The following ARHGAP20 variants were observed in gnomAD, a reference collection of about 807,000 sequenced individuals.
ARHGAP20 encodes rho GTPase-activating protein 20.
Under a neutral mutation model 73.7 loss-of-function variants are expected in ARHGAP20, and 34 were observed. The observed-to-expected ratio is 0.46, with a 90% CI of 0.35 to 0.61. The LOEUF (loss-of-function observed/expected upper bound fraction) is 0.61. Among genes scored for constraint, ARHGAP20 ranks in the 20% least tolerant of loss-of-function variants. The pLI is 0.00. For missense variants in ARHGAP20, 1,314 were observed against 1,420.9 expected (o/e 0.92, Z 1.21); for synonymous variants, 523 against 518.2 (o/e 1.01, Z -0.13).
At chr11:110,594,220 T>C (rs990776959) in intron 9 of ARHGAP20, among the ~76,000 whole-genome samples, 1 of 152,222 alleles carries the variant, frequency 6.6e-6, no homozygotes, top group South Asian at 2.1e-4. Flanking sequence ...CATCACTTCC[T>C]TGAAATACAG....
At chr11:110,613,708 A>G (rs1591315795) in intron 6 of ARHGAP20, among the ~76,000 whole-genome samples, 1 of 152,220 alleles carries the variant, frequency 6.6e-6, no homozygotes, top group South Asian at 2.1e-4. Flanking sequence ...GTCTCATACT[A>G]TAAAAATTTG....
At chr11:110,617,054 T>C (rs1425488367) in intron 4 of ARHGAP20, among the ~76,000 whole-genome samples, 3 of 152,108 alleles carry the variant, frequency 2.0e-5, no homozygotes, top group African/African-American at 4.8e-5. Context: ...CCTTGGAAGG[T>C]CCCTTATGTT....
At chr11:110,621,343 TC>T (rs1201428408) in intron 4 of ARHGAP20, among the ~76,000 whole-genome samples, 1 of 152,114 alleles carries the variant, frequency 6.6e-6, no homozygotes, top group Non-Finnish European at 1.5e-5. Flanking sequence ...CACTATTTTT[TC>T]AGCCCCATTT....
chr11:110,580,289 T>C lies in ARHGAP20; in HGVS notation c.2657A>G (p.Lys886Arg). Reference protein sequence around the residue: ...GLLHGEEDYLKRHKSLQMEGQ... With the variant: ...GLLHGEEDYLRRHKSLQMEGQ... ...CTCCATTTGCAAAGACTTATGCCGT[T>C]TGAGATAATCCTCCTCTCCATGCAA... Residue 886 changes from lysine to arginine, a missense_variant, in exon 15 of 15, where the codon AAA (lysine) becomes AGA (arginine). Coordinates refer to ENST00000683387, the MANE Select transcript of ARHGAP20 (RefSeq NM_001384657.1). 6.2e-7 allele frequency: 1 copy of C among 1,614,216 alleles called. No individual in the cohort carries two copies. The highest frequency in any genetic ancestry group is 8.5e-7 in the Non-Finnish European group (1 of 1,180,036).
intron 1 of ARHGAP20, chr11:110,711,732 A>G (rs1950662182): frequency 7.2e-7 from 1 of 1,395,618 alleles, no homozygotes. Context: ...GCCAAAGGGC[A>G]GTCAGTGCTC....
intron 2 of ARHGAP20, among the ~76,000 whole-genome samples, chr11:110,644,785 T>A (rs6589158): frequency 0.31 from 46,536 of 151,814 alleles, 8,061 homozygotes; most frequent in African/African-American, 0.48. Context: ...ACAAAAACTG[T>A]CAAGTGGGAC....
chr11:110,673,265 T>C (rs1949865260), intron 2 of ARHGAP20, among the ~76,000 whole-genome samples: 1 of 152,056 alleles, frequency 6.6e-6, no homozygotes, highest in African/African-American at 2.4e-5. Context: ...ACAACATAAG[T>C]GGGAAACATT....
chr11:110,580,652 G>A lies in ARHGAP20; in HGVS notation c.2294C>T (p.Thr765Ile). The part of the protein sequence containing the change: ...TCFKQSLVTG[T>I]DVSKKNATTQ... ...AGTGGCATTTTTCTTGCTGACATCAGTGCCTGTGACTAAACTCTGTTTAAA... is the reference window on the plus strand; with the variant it reads ...AGTGGCATTTTTCTTGCTGACATCAATGCCTGTGACTAAACTCTGTTTAAA... The change falls in exon 15 of 15, where the codon ACT becomes ATT. Residue 765 changes from threonine (T) to isoleucine (I), a missense_variant. By Grantham distance (89) the Thr-to-Ile change is moderately conservative. Coordinates refer to ENST00000683387, the MANE Select transcript of ARHGAP20 (RefSeq NM_001384657.1). 2 of 1,614,220 alleles carry A rather than the reference G, an allele frequency of 1.2e-6. No individual in the cohort carries two copies. Among genetic ancestry groups the A allele is most frequent in the South Asian group, 1.1e-5 (1 of 91,080 alleles).
intron 9 of ARHGAP20, among the ~76,000 whole-genome samples, chr11:110,594,393 G>A (rs1050514146): frequency 6.6e-6 from 1 of 152,122 alleles, no homozygotes; most frequent in African/African-American, 2.4e-5. Context: ...AGCCCTCAAA[G>A]GCTTATTGAA....
Position 110,596,376 on chromosome 11 carries a change from C to A in ARHGAP20, c.965-4221G>T, listed in dbSNP as rs371491320. Among the ~76,000 whole-genome samples the A allele has an allele frequency of 3.7e-4, 55 of 150,330 alleles. No individual in the cohort carries two copies. The East Asian group carries it at 0.01, about 28-fold the overall frequency. On this transcript the variant is annotated intron_variant, in intron 9 of 14. Transcript: ENST00000683387. ...ACAGGCAACCTACAAAATGGGAGAA[C>A]ATTTTTGCAACCTACTCATCTGACA... is the stretch of plus-strand genomic sequence containing the variant.
At chr11:110,660,061 C>CAAAAAAAAAAAAAAAAAAAAAAAA (rs746439426) in intron 2 of ARHGAP20, among the ~76,000 whole-genome samples, 1 of 69,248 alleles carries the variant, frequency 1.4e-5, no homozygotes. Context: ...TAATAAAAAA[C>CAAAAAAAAAAAAAAAAAAAAAAAA]AAAAAAAAAA....
intron 3 of ARHGAP20, among the ~76,000 whole-genome samples, chr11:110,625,162 C>T (rs1211157682): frequency 6.7e-6 from 1 of 150,276 alleles, no homozygotes; most frequent in African/African-American, 2.4e-5. Context: ...CTCAGCCTCC[C>T]GAGTAGCTGG....
At chr11:110,608,926 A>G in intron 8 of ARHGAP20, 58 bp downstream of exon 8, 1 of 1,425,156 alleles carries the variant, frequency 7.0e-7, no homozygotes, top group African/African-American at 1.4e-5. Flanking sequence ...TCTCGGAGAC[A>G]CTTAGAATTA....
At chr11:110,613,757 T>C (rs1948421859) in intron 6 of ARHGAP20, among the ~76,000 whole-genome samples, 1 of 152,028 alleles carries the variant, frequency 6.6e-6, no homozygotes, top group African/African-American at 2.4e-5. Context: ...CATTCAGGAG[T>C]TGGTCAGAAC....
At chr11:110,625,629 T>C (rs1465789931) in intron 3 of ARHGAP20, among the ~76,000 whole-genome samples, 1 of 151,938 alleles carries the variant, frequency 6.6e-6, no homozygotes, top group Admixed American at 6.6e-5. Context: ...ACCTTGAAGG[T>C]GGTCTATTTT....
At chr11:110,584,929 GAA>G (rs1947590159) in intron 12 of ARHGAP20, among the ~76,000 whole-genome samples, 3 of 138,976 alleles carry the variant, frequency 2.2e-5, no homozygotes, top group East Asian at 4.3e-4. Flanking sequence ...ATATATATGT[GAA>G]TATATGTGTA....
chr11:110,708,793 C>T (rs1263103313), intron 1 of ARHGAP20, among the ~76,000 whole-genome samples: 1 of 152,084 alleles, frequency 6.6e-6, no homozygotes, highest in Non-Finnish European at 1.5e-5. Flanking sequence ...TATTCCTTAG[C>T]TAAACTGTGG....
intron 9 of ARHGAP20, among the ~76,000 whole-genome samples, chr11:110,594,460 T>A (rs896802007): frequency 2.6e-5 from 4 of 152,286 alleles, no homozygotes; most frequent in Non-Finnish European, 5.9e-5. Flanking sequence ...TCTTGATGAA[T>A]GCTGTCAAGA....
chr11:110,583,044 C>A (rs537573896), intron 13 of ARHGAP20, among the ~76,000 whole-genome samples: 1 of 152,164 alleles, frequency 6.6e-6, no homozygotes, highest in Non-Finnish European at 1.5e-5. Context: ...GTAGCTGAGG[C>A]CAAGGGGCAG....
Sources: gnomAD v4.1 joint callset for allele counts (sites outside exome capture counted in the v4.1 genomes callset) on GRCh38, gnomAD v4.1.1 for gene constraint, MANE v1.5 for transcripts, NCBI Gene and HGNC (gene_info 2026-07-23, HGNC 2026-07-21) for gene names.